DOCK8: variants seen among roughly 807,000 people sequenced by gnomAD.
DOCK8 encodes the protein dedicator of cytokinesis protein 8.
A neutral mutation model predicts 245.6 loss-of-function variants in DOCK8; 141 were observed. That is an observed-to-expected ratio of 0.57 (90% CI 0.50 to 0.66). DOCK8 has a LOEUF of 0.66. Ranked by LOEUF, DOCK8 falls within the 30% of genes least tolerant of loss-of-function variation. DOCK8 has a pLI of 0.00. For synonymous variants in DOCK8, 1,168 were observed against 970.2 expected, an observed-to-expected ratio of 1.20 and a Z score of -3.79; for missense variants, 2,965 against 2,603.4, an observed-to-expected ratio of 1.14 and a Z score of -3.02.
chr9:374,466 T>G (rs1008534918), intron 18 of DOCK8, among the ~76,000 whole-genome samples: 23 of 143,284 alleles, frequency 1.6e-4, no homozygotes, highest in South Asian at 4.7e-4. Flanking sequence ...TTTTTTTTTT[T>G]TTTTTTTTTT....
At chr9:332,831 AT>A (rs922575164) in intron 10 of DOCK8, among the ~76,000 whole-genome samples, 7 of 148,742 alleles carry the variant, frequency 4.7e-5, no homozygotes, top group Admixed American at 6.7e-5. Flanking sequence ...CTAGTTTTTT[AT>A]TTTTTTTTAG....
rs185611246 is a variant in DOCK8, at chr9:410,890, A to G, written c.3530+3821A>G. On this transcript the variant is annotated intron_variant, in intron 28 of 47. Transcript: ENST00000432829. ...AATCATAATTGAAAGATTCAACACA[A>G]TCATATCACAAGAGACCTTACAGAA... Among the ~76,000 whole-genome samples, 16 of 152,356 alleles carry G rather than the reference A, an allele frequency of 1.1e-4. No individual in the cohort carries two copies. In the East Asian group the frequency reaches 1.2e-3, roughly 11 times the overall value.
intron 20 of DOCK8, 136 bp from the exon 21 acceptor site, chr9:379,635 A>G: frequency 1.0e-6 from 1 of 961,296 alleles, no homozygotes; most frequent in South Asian, 1.4e-5. Context: ...AGAGCTCACC[A>G]AAACCATCTA....
intron 33 of DOCK8, among the ~76,000 whole-genome samples, chr9:425,096 A>G (rs1290381997): frequency 2.0e-5 from 3 of 152,264 alleles, no homozygotes; most frequent in Non-Finnish European, 4.4e-5. Flanking sequence ...GATAAACAAA[A>G]TATATTAAAA....
rs996919704 is a variant in DOCK8 at position 399,190 on chromosome 9, C to T, written c.3165C>T (p.Phe1055=). The T allele has an allele frequency of 1.2e-6, 2 of 1,614,064 alleles. No homozygotes were observed. The highest frequency in any genetic ancestry group is 1.7e-5 in the Admixed American group (1 of 60,016). ...AGATGAACATCAGCCTGGCTTTCTT[C>T]TTGTATGACCTTCTCTCCCTCATGG... The part of the protein sequence containing the change: ...AEKMNISLAF[F]LYDLLSLMDR... The change falls in exon 26 of 48, where the codon TTC becomes TTT. Residue 1055 remains phenylalanine, a synonymous_variant. Coordinates refer to ENST00000432829, the MANE Select transcript of DOCK8 (RefSeq NM_203447.4).
chr9:376,157 T>G (rs529502183), intron 18 of DOCK8, 53 bp from the exon 19 acceptor site: 26 of 1,280,328 alleles, frequency 2.0e-5, no homozygotes, highest in Non-Finnish European at 3.0e-5. Flanking sequence ...TGCTTGTTAG[T>G]AATCAGAAAA....
intron 14 of DOCK8, among the ~76,000 whole-genome samples, chr9:350,137 G>C (rs975531368): frequency 2.6e-5 from 4 of 152,124 alleles, no homozygotes; most frequent in Admixed American, 6.5e-5. Flanking sequence ...TTAAGAGACA[G>C]GATCTTGCTC....
At chr9:403,379 T>G (rs2055204460) in intron 26 of DOCK8, among the ~76,000 whole-genome samples, 1 of 152,222 alleles carries the variant, frequency 6.6e-6, no homozygotes, top group Non-Finnish European at 1.5e-5. Flanking sequence ...GTGGCTCCAC[T>G]GGTCCAAAGT....
intron 39 of DOCK8, among the ~76,000 whole-genome samples, chr9:435,869 A>G (rs962985364): frequency 2.0e-5 from 3 of 152,212 alleles, no homozygotes; most frequent in Non-Finnish European, 4.4e-5. Context: ...GTTTGTAGAG[A>G]TGACCATCCC....
Position 328,025 on chromosome 9 carries a change from T to G in DOCK8, c.898T>G (p.Ser300Ala), listed in dbSNP as rs145978391. The change falls in exon 9 of 48, where the codon TCA becomes GCA. Residue 300 changes from serine (S) to alanine (A), a missense_variant. By Grantham distance (99) the Ser-to-Ala change is moderately conservative. Coordinates refer to ENST00000432829, the MANE Select transcript of DOCK8 (RefSeq NM_203447.4). ...LYDVKERKKI[S>A]ENFHCDLNSD... ...TCACTTTGCTGCTCATTTACAGATC[T>G]CAGAAAATTTTCACTGTGACCTGAA... The G allele has an allele frequency of 5.0e-6, 8 of 1,613,928 alleles. No individual in the cohort carries two copies. The African/African-American group carries it at 9.3e-5, about 19-fold the overall frequency.
In DOCK8 at chr9:464,299, T is replaced by G; in HGVS notation, c.*80T>G. ...TGCTGGTACTTAAAAAATGGGACATTTGCCACCCAGGACTGACTGTACACT... is the reference window on the plus strand; with the variant it reads ...TGCTGGTACTTAAAAAATGGGACATGTGCCACCCAGGACTGACTGTACACT... On this transcript the variant is annotated 3_prime_UTR_variant, in exon 48 of 48. Coordinates refer to ENST00000432829, the MANE Select transcript of DOCK8 (RefSeq NM_203447.4). 2 of 1,229,872 alleles carry G rather than the reference T, an allele frequency of 1.6e-6. No homozygotes were observed. Among genetic ancestry groups the G allele is most frequent in the Admixed American group, 3.4e-5 (2 of 59,444 alleles). The allele number at this position is 1,229,872 out of a possible 1,614,324, so 76.2% of individuals were successfully genotyped here. A position where few individuals can be genotyped will look rare whatever the true frequency, so the allele number is the denominator to read the frequency against.
intron 4 of DOCK8, among the ~76,000 whole-genome samples, chr9:294,394 G>A (rs560668524): frequency 3.9e-4 from 60 of 152,292 alleles, no homozygotes; most frequent in African/African-American, 1.4e-3. Flanking sequence ...TACCAACTGG[G>A]CATTAAACTG....
chr9:257,508 GTTGT>G (rs2047808252), intron 1 of DOCK8, among the ~76,000 whole-genome samples: 2 of 151,924 alleles, frequency 1.3e-5, no homozygotes, highest in South Asian at 2.1e-4. Flanking sequence ...GTTTGTTGTT[GTTGT>G]TTGTTTGTTT....
chr9:414,746 C>T, intron 28 of DOCK8, 36 bp from the exon 29 acceptor site: 1 of 1,613,826 alleles, frequency 6.2e-7, no homozygotes, highest in Non-Finnish European at 8.5e-7. Context: ...AATTTCCTTT[C>T]ACCATAACCT....
chr9:221,874 G>A (rs2484967), intron 1 of DOCK8, among the ~76,000 whole-genome samples: 78,599 of 151,614 alleles, frequency 0.52, 20,922 homozygotes, highest in East Asian at 0.74. Flanking sequence ...ATACAGAGCT[G>A]CATTATAATT....
intron 14 of DOCK8, among the ~76,000 whole-genome samples, chr9:354,705 C>G (rs2052341542): frequency 6.6e-6 from 1 of 152,288 alleles, no homozygotes; most frequent in Non-Finnish European, 1.5e-5. Context: ...GGTTGTTAGG[C>G]TGAGGGCGTC....
At chr9:314,424 G>A (rs193280920) in intron 6 of DOCK8, 14 of 152,330 alleles carry the variant, frequency 9.2e-5, no homozygotes, top group Admixed American at 5.2e-4. Flanking sequence ...TGGTATTAGA[G>A]GGGAGAATGT....
At chr9:443,876 C>G (rs2057167767) in intron 43 of DOCK8, among the ~76,000 whole-genome samples, 1 of 152,150 alleles carries the variant, frequency 6.6e-6, no homozygotes, top group Admixed American at 6.5e-5. Flanking sequence ...CAAGGTCATG[C>G]AAGCAGCAGA....
intron 4 of DOCK8, among the ~76,000 whole-genome samples, chr9:303,051 C>T (rs1273953359): frequency 1.3e-5 from 2 of 151,290 alleles, no homozygotes; most frequent in Admixed American, 6.6e-5. Flanking sequence ...CTCTCACCTA[C>T]TGGGAGGCTG....
Sources: allele counts gnomAD v4.1 joint callset (sites outside exome capture counted in the v4.1 genomes callset), GRCh38; gene constraint gnomAD v4.1.1; transcripts MANE v1.5; gene names NCBI Gene and HGNC (gene_info 2026-07-23, HGNC 2026-07-21).